Variants in RSU1 observed in about 807,000 individuals in gnomAD.
RSU1 encodes rsu-1.
Under a neutral mutation model 31.1 loss-of-function variants are expected in RSU1, and 26 were observed. The observed-to-expected ratio is 0.84, with a 90% confidence interval of 0.61 to 1.16. The LOEUF (loss-of-function observed/expected upper bound fraction) is 1.16. Ranked by LOEUF, RSU1 falls within the 50% of genes most tolerant of loss-of-function variation. RSU1 has a pLI of 0.00. For missense variants in RSU1, 320 were observed against 339.1 expected, an observed-to-expected ratio of 0.94 and a Z score of 0.44; for synonymous variants, 164 against 136.3, an observed-to-expected ratio of 1.20 and a Z score of -1.41.
intron 8 of RSU1, among the ~76,000 whole-genome samples, chr10:16,641,775 C>T (rs1834446837): frequency 6.6e-6 from 1 of 152,180 alleles, no homozygotes; most frequent in Non-Finnish European, 1.5e-5. Context: ...CAGTAGCAGT[C>T]GTGCCCACTT....
chr10:16,652,942 G>A (rs531417324), intron 8 of RSU1, among the ~76,000 whole-genome samples: 6 of 151,986 alleles, frequency 3.9e-5, no homozygotes, highest in African/African-American at 1.4e-4. Flanking sequence ...GCCTCCCAAA[G>A]TGCCGAGATT....
chr10:16,691,962 C>T (rs1245688084), intron 8 of RSU1, among the ~76,000 whole-genome samples: 3 of 152,068 alleles, frequency 2.0e-5, no homozygotes, highest in East Asian at 1.9e-4. Flanking sequence ...TGGTCTTGAA[C>T]TCCTGGCCTC....
chr10:16,797,091 G>A (rs543633317), intron 2 of RSU1, among the ~76,000 whole-genome samples: 2 of 152,320 alleles, frequency 1.3e-5, no homozygotes, highest in Non-Finnish European at 2.9e-5. Context: ...GCCTGCAGTA[G>A]GGTCTGATGG....
intron 7 of RSU1, among the ~76,000 whole-genome samples, chr10:16,716,182 A>C (rs1420617934): frequency 6.6e-6 from 1 of 152,238 alleles, no homozygotes; most frequent in African/African-American, 2.4e-5. Flanking sequence ...AGGAAAAGGA[A>C]GAACGGGTCT....
chr10:16,668,930 T>C (rs1180011710), intron 8 of RSU1, among the ~76,000 whole-genome samples: 1 of 152,166 alleles, frequency 6.6e-6, no homozygotes, highest in African/African-American at 2.4e-5. Context: ...TGTTTAAGGT[T>C]ACCAAACTTC....
intron 2 of RSU1, among the ~76,000 whole-genome samples, chr10:16,787,651 A>G (rs1050509025): frequency 3.3e-5 from 5 of 152,158 alleles, no homozygotes; most frequent in Admixed American, 6.5e-5. Context: ...GTCTCACAGG[A>G]TGTGATGGTT....
At chr10:16,717,250 G>A (rs1008876950) in intron 7 of RSU1, among the ~76,000 whole-genome samples, 1 of 152,156 alleles carries the variant, frequency 6.6e-6, no homozygotes, top group African/African-American at 2.4e-5. Context: ...TACAGAGGCT[G>A]GAGATGGTGA....
At chr10:16,789,834 T>C (rs1410096511) in intron 2 of RSU1, among the ~76,000 whole-genome samples, 2 of 152,230 alleles carry the variant, frequency 1.3e-5, no homozygotes, top group African/African-American at 4.8e-5. Context: ...TAAAGCAATA[T>C]TCAACTATGC....
intron 7 of RSU1, among the ~76,000 whole-genome samples, chr10:16,715,120 C>T (rs1336360134): frequency 6.6e-6 from 1 of 152,218 alleles, no homozygotes; most frequent in Non-Finnish European, 1.5e-5. Flanking sequence ...AGGAAGTTTG[C>T]TGCTCCCCTA....
chr10:16,785,082 T>C (rs1399542447), intron 2 of RSU1, among the ~76,000 whole-genome samples: 1 of 152,120 alleles, frequency 6.6e-6, no homozygotes, highest in Non-Finnish European at 1.5e-5. Context: ...TGTGAGGGTG[T>C]TGCCAAAGGA....
chr10:16,657,157 T>C (rs929066483), intron 8 of RSU1, among the ~76,000 whole-genome samples: 2 of 152,168 alleles, frequency 1.3e-5, no homozygotes, highest in African/African-American at 2.4e-5. Context: ...TAACCTCTCA[T>C]AGAGGTTATA....
At chr10:16,781,442 C>T (rs1837646751) in intron 3 of RSU1, among the ~76,000 whole-genome samples, 2 of 152,148 alleles carry the variant, frequency 1.3e-5, no homozygotes, top group African/African-American at 2.4e-5. Context: ...TGCATCTTTT[C>T]CTCCATCAAG....
At chr10:16,703,556 G>A (rs563590866) in intron 7 of RSU1, among the ~76,000 whole-genome samples, 1 of 152,110 alleles carries the variant, frequency 6.6e-6, no homozygotes, top group Non-Finnish European at 1.5e-5. Flanking sequence ...AGATGTCTAG[G>A]GGGTTGGTTC....
intron 8 of RSU1, among the ~76,000 whole-genome samples, chr10:16,662,119 A>G (rs1206049196): frequency 6.6e-6 from 1 of 152,208 alleles, no homozygotes; most frequent in East Asian, 1.9e-4. Flanking sequence ...TGGGCAGGAG[A>G]GACTGCAATT....
intron 7 of RSU1, among the ~76,000 whole-genome samples, chr10:16,731,869 T>C (rs1407548601): frequency 1.3e-5 from 2 of 152,120 alleles, no homozygotes; most frequent in African/African-American, 4.8e-5. Context: ...TCCAACGCTT[T>C]TGAGAGTGGT....
At chr10:16,751,289 T>C (rs1235521189) in intron 7 of RSU1, among the ~76,000 whole-genome samples, 1 of 152,168 alleles carries the variant, frequency 6.6e-6, no homozygotes, top group Non-Finnish European at 1.5e-5. Flanking sequence ...AAGAGAAGTG[T>C]TGAGTTGCTC....
In RSU1 at chr10:16,673,183, T is replaced by G. The variant is rs1835148031; in HGVS notation, c.731+21840A>C. Reference sequence around the variant, plus strand: ...CTTCTTCAGGGTCCATAAGTCCCGCTGGGAGAAGCGTTCATCTCCGGTACC... The same window carrying G: ...CTTCTTCAGGGTCCATAAGTCCCGCGGGGAGAAGCGTTCATCTCCGGTACC... On this transcript the variant is annotated intron_variant, in intron 8 of 8. Coordinates refer to ENST00000345264, the MANE Select transcript of RSU1 (RefSeq NM_012425.4). 2.0e-5 allele frequency among the ~76,000 whole-genome samples: 3 copies of G among 152,220 alleles called. No homozygotes were observed. In the South Asian group the frequency reaches 6.2e-4, roughly 31 times the overall value.
At chr10:16,815,917 A>G (rs1343905341) in intron 2 of RSU1, among the ~76,000 whole-genome samples, 2 of 152,254 alleles carry the variant, frequency 1.3e-5, no homozygotes, top group Non-Finnish European at 2.9e-5. Context: ...GCTCTGGTCC[A>G]GGAAGGGCAA....
intron 7 of RSU1, among the ~76,000 whole-genome samples, chr10:16,736,661 C>T (rs1836634664): frequency 6.6e-6 from 1 of 151,856 alleles, no homozygotes; most frequent in East Asian, 1.9e-4. Flanking sequence ...CCACAGAAAA[C>T]TAGACATTCA....
Sources: gnomAD v4.1 joint callset for allele counts (sites outside exome capture counted in the v4.1 genomes callset) on GRCh38, gnomAD v4.1.1 for gene constraint, MANE v1.5 for transcripts, NCBI Gene and HGNC (gene_info 2026-07-23, HGNC 2026-07-21) for gene names.